Variants in PARP16 observed in about 807,000 individuals in gnomAD.
PARP16 encodes protein mono-ADP-ribosyltransferase PARP16.
A neutral mutation model predicts 35.0 loss-of-function variants in PARP16; 31 were observed. That is an observed-to-expected ratio of 0.88 (90% CI 0.66 to 1.19). The LOEUF (loss-of-function observed/expected upper bound fraction) is 1.19, where lower values mean the gene tolerates loss of function less well. PARP16 is among the 50% of genes most tolerant of loss of function. The pLI is 0.00. For missense variants in PARP16, 424 were observed against 411.2 expected, an observed-to-expected ratio of 1.03 and a Z score of -0.27; for synonymous variants, 162 against 169.5, an observed-to-expected ratio of 0.96 and a Z score of 0.34.
At chr15:65,273,920 C>T (rs1007327530) in intron 1 of PARP16, among the ~76,000 whole-genome samples, 1 of 150,868 alleles carries the variant, frequency 6.6e-6, no homozygotes, top group Non-Finnish European at 1.5e-5. Context: ...CTACAGGCCT[C>T]ATGAGGTATC....
At chr15:65,235,639 C>CAAA (rs57790733) in intron 3 of PARP16, among the ~76,000 whole-genome samples, 3 of 83,708 alleles carry the variant, frequency 3.6e-5, no homozygotes, top group Non-Finnish European at 7.1e-5. Flanking sequence ...CCTATCTCTA[C>CAAA]AAAAAAAAAA....
intron 2 of PARP16, among the ~76,000 whole-genome samples, chr15:65,249,099 T>C (rs917441169): frequency 6.6e-6 from 1 of 152,200 alleles, no homozygotes; most frequent in Non-Finnish European, 1.5e-5. Context: ...AAAACACTCC[T>C]GCTTCTCTGC....
chr15:65,265,273 A>G (rs2089853503), intron 3 of PARP16, among the ~76,000 whole-genome samples: 1 of 152,194 alleles, frequency 6.6e-6, no homozygotes, highest in South Asian at 2.1e-4. Flanking sequence ...AAAAGCAGCT[A>G]CCTCTTCCTT....
intron 1 of PARP16, 28 bp downstream of exon 1, chr15:65,286,225 G>A (rs2090588820): frequency 2.0e-6 from 3 of 1,519,300 alleles, no homozygotes; most frequent in East Asian, 2.5e-5. Context: ...AGGACGCAGT[G>A]GGCAGCGCCA....
chr15:65,238,388 C>T (rs1024112159), intron 3 of PARP16, among the ~76,000 whole-genome samples: 62 of 152,296 alleles, frequency 4.1e-4, no homozygotes, highest in Non-Finnish European at 6.8e-4. Context: ...GAAAAGAGAA[C>T]TCTTGTTCCA....
intron 4 of PARP16, among the ~76,000 whole-genome samples, chr15:65,262,174 C>T (rs1157995454): frequency 6.7e-6 from 1 of 150,020 alleles, no homozygotes; most frequent in African/African-American, 2.5e-5. Context: ...GCTCTGTTGC[C>T]CAGGCTAAAA....
At chr15:65,244,112 G>C (rs890218473) in intron 3 of PARP16, among the ~76,000 whole-genome samples, 6 of 152,126 alleles carry the variant, frequency 3.9e-5, no homozygotes, top group Non-Finnish European at 8.8e-5. Context: ...CAGGCTCTTT[G>C]CATGGTCGTT....
chr15:65,253,580 T>C (rs2089418534), downstream of PARP16, among the ~76,000 whole-genome samples: 1 of 152,118 alleles, frequency 6.6e-6, no homozygotes, highest in South Asian at 2.1e-4. Flanking sequence ...TCCGCCCGCC[T>C]CGGCCTCCCA....
chr15:65,256,477 G>A (rs905989892), downstream of PARP16, among the ~76,000 whole-genome samples: 5 of 140,762 alleles, frequency 3.6e-5, no homozygotes, highest in South Asian at 9.2e-4. Context: ...GCACAATCTC[G>A]GTTCACTGCA....
chr15:65,271,958 C>T (rs1445058704), intron 1 of PARP16, among the ~76,000 whole-genome samples: 1 of 152,190 alleles, frequency 6.6e-6, no homozygotes, highest in African/African-American at 2.4e-5. Context: ...GAATGCATAA[C>T]TTTGGGTTTC....
chr15:65,255,293 G>A (rs573069174), downstream of PARP16, among the ~76,000 whole-genome samples: 9 of 152,120 alleles, frequency 5.9e-5, no homozygotes, highest in South Asian at 4.2e-4. Context: ...AGTAGGCACC[G>A]TGCCTAAGGC....
intron 1 of PARP16, among the ~76,000 whole-genome samples, chr15:65,284,167 G>A (rs1029785344): frequency 1.3e-5 from 2 of 152,044 alleles, no homozygotes; most frequent in Non-Finnish European, 2.9e-5. Context: ...AATGTGGTTC[G>A]TGCCATTAAC....
chr15:65,276,316 C>T (rs1005074145), intron 1 of PARP16, among the ~76,000 whole-genome samples: 11 of 152,154 alleles, frequency 7.2e-5, no homozygotes, highest in African/African-American at 1.4e-4. Context: ...ATTTAAAATA[C>T]GCTCTGCCCG....
intron 2 of PARP16, 93 bp downstream of exon 2, chr15:65,270,842 G>C (rs2090070574): frequency 1.6e-6 from 2 of 1,253,300 alleles, no homozygotes; most frequent in African/African-American, 1.5e-5. Flanking sequence ...CCAGGTCACT[G>C]GTACACAGGG....
At chr15:65,260,068 C>T (rs1376043032) in intron 5 of PARP16, among the ~76,000 whole-genome samples, 2 of 152,082 alleles carry the variant, frequency 1.3e-5, no homozygotes, top group Admixed American at 1.3e-4. Flanking sequence ...GATTTTAAAC[C>T]AAAGCATAAT....
chr15:65,263,008 G>T, intron 4 of PARP16, 141 bp downstream of exon 4: 1 of 717,056 alleles, frequency 1.4e-6, no homozygotes, highest in Non-Finnish European at 2.4e-6. Flanking sequence ...CGCTCCTTGG[G>T]CAGGACCCTG....
intron 2 of PARP16, among the ~76,000 whole-genome samples, chr15:65,270,010 A>G (rs2090042446): frequency 6.6e-6 from 1 of 152,220 alleles, no homozygotes; most frequent in African/African-American, 2.4e-5. Flanking sequence ...AGGGCTCTTT[A>G]TGGTATTTTA....
intron 1 of PARP16, among the ~76,000 whole-genome samples, chr15:65,273,210 G>T (rs550452722): frequency 2.1e-4 from 30 of 143,650 alleles, no homozygotes; most frequent in African/African-American, 7.6e-4. Flanking sequence ...CCCAGGAGGC[G>T]GAGGTTGCAG....
intron 3 of PARP16, among the ~76,000 whole-genome samples, chr15:65,246,782 C>T (rs559458452): frequency 1.6e-4 from 24 of 152,170 alleles, no homozygotes; most frequent in Non-Finnish European, 3.1e-4. Context: ...TTAGAAGGTA[C>T]CGAAGAAAGG....
Sources: allele counts gnomAD v4.1 joint callset (sites outside exome capture counted in the v4.1 genomes callset), GRCh38; gene constraint gnomAD v4.1.1; transcripts MANE v1.5; gene names NCBI Gene and HGNC (gene_info 2026-07-23, HGNC 2026-07-21).